The following HIVEP3 variants were observed in gnomAD, a reference collection of about 807,000 sequenced individuals.
The protein encoded by HIVEP3 is transcription factor HIVEP3.
In HIVEP3, 49 loss-of-function variants were observed where a neutral mutation model predicts 152.8. That is an observed-to-expected ratio of 0.32 (90% CI 0.26 to 0.41). The LOEUF (loss-of-function observed/expected upper bound fraction) is 0.41, where lower values mean the gene tolerates loss of function less well. HIVEP3 is among the 10% of genes least tolerant of loss of function. The pLI is 1.00. For synonymous variants in HIVEP3, 1,269 were observed against 1,289.0 expected (o/e 0.98, Z 0.33); for missense variants, 2,790 against 3,103.3 (o/e 0.90, Z 2.40).
chr1:41,589,641 G>A (rs537670249), intron 3 of HIVEP3, among the ~76,000 whole-genome samples: 1 of 152,336 alleles, frequency 6.6e-6, no homozygotes, highest in South Asian at 2.1e-4. Context: ...AGTCCTGGCA[G>A]GAGGCCAGCT....
chr1:41,656,001 A>G (rs1480768883), intron 2 of HIVEP3, among the ~76,000 whole-genome samples: 3 of 152,252 alleles, frequency 2.0e-5, no homozygotes, highest in Non-Finnish European at 4.4e-5. Context: ...CAGGTGGCTC[A>G]GAGCCCTTTG....
At chr1:42,003,731 T>G (rs1340557441) in intron 1 of HIVEP3, among the ~76,000 whole-genome samples, 3 of 151,318 alleles carry the variant, frequency 2.0e-5, no homozygotes, top group Non-Finnish European at 4.4e-5. Flanking sequence ...TGACAAGGAT[T>G]ATAAGGTGCA....
At chr1:41,527,376 TCA>T (rs1323193439) in intron 5 of HIVEP3, among the ~76,000 whole-genome samples, 3 of 83,646 alleles carry the variant, frequency 3.6e-5, no homozygotes, top group East Asian at 2.6e-4. Flanking sequence ...ACCCCTGCAC[TCA>T]CACTCGCACT....
At chr1:41,718,671 G>C (rs1010845155) in intron 1 of HIVEP3, among the ~76,000 whole-genome samples, 3 of 152,176 alleles carry the variant, frequency 2.0e-5, no homozygotes, top group African/African-American at 4.8e-5. Flanking sequence ...CAAACATGGT[G>C]TGTGTGGCCT....
intron 1 of HIVEP3, among the ~76,000 whole-genome samples, chr1:41,708,868 T>C (rs903110416): frequency 6.6e-6 from 1 of 152,216 alleles, no homozygotes; most frequent in Non-Finnish European, 1.5e-5. Context: ...TCTCTGCTGT[T>C]GGAGGCTGCT....
At chr1:42,017,042 T>C (rs1448734339) in intron 1 of HIVEP3, among the ~76,000 whole-genome samples, 1 of 152,058 alleles carries the variant, frequency 6.6e-6, no homozygotes, top group Non-Finnish European at 1.5e-5. Flanking sequence ...CAACACTGAG[T>C]ATTTTGTATC....
intron 1 of HIVEP3, among the ~76,000 whole-genome samples, chr1:41,758,754 G>C (rs186888781): frequency 1.3e-5 from 2 of 152,304 alleles, no homozygotes; most frequent in Middle Eastern, 3.4e-3. Flanking sequence ...CATTTGTGAT[G>C]AAAGGATATG....
At chr1:41,706,690 G>A (rs1329999177) in intron 1 of HIVEP3, among the ~76,000 whole-genome samples, 1 of 152,170 alleles carries the variant, frequency 6.6e-6, no homozygotes, top group Non-Finnish European at 1.5e-5. Context: ...CAGTAGGAGG[G>A]GACCAGGAAA....
rs561007000 is a variant in HIVEP3, at chr1:41,857,005, C to T, written c.-801+61408G>A. ...TTTCTGCTCCCAAATCCTCAAAAAG[C>T]ATTGCCAGGTTCTCTGTGGTTTCTG... On this transcript the variant is annotated intron_variant, in intron 1 of 8. Transcript: ENST00000372583. Among the ~76,000 whole-genome samples the T allele has an allele frequency of 5.9e-5, 9 of 152,268 alleles. No individual in the cohort carries two copies. In the South Asian group the frequency reaches 1.9e-3, roughly 32 times the overall value.
Position 41,731,679 on chromosome 1 carries a change from C to A in HIVEP3, c.-800-30684G>T, listed in dbSNP as rs578042228. Among the ~76,000 whole-genome samples the A allele has an allele frequency of 1.7e-3, 255 of 152,272 alleles. 4 individuals carry two copies. The highest frequency in any genetic ancestry group is 2.0e-3 in the Non-Finnish European group (139 of 68,024). Reference sequence around the variant, plus strand: ...GGGAAGAATGGAGGTCCCCTGCCAACAATCAGCTTTGACATGCCAAGCCTG... The same window carrying A: ...GGGAAGAATGGAGGTCCCCTGCCAAAAATCAGCTTTGACATGCCAAGCCTG... On this transcript the variant is annotated intron_variant, in intron 1 of 8. Coordinates refer to ENST00000372583, the MANE Select transcript of HIVEP3 (RefSeq NM_024503.5).
intron 1 of HIVEP3, among the ~76,000 whole-genome samples, chr1:41,808,472 G>A (rs540026170): frequency 1.3e-5 from 2 of 152,348 alleles, no homozygotes; most frequent in South Asian, 4.1e-4. Context: ...GAAAGCACTT[G>A]TCACAGTCCA....
intron 1 of HIVEP3, among the ~76,000 whole-genome samples, chr1:41,896,917 G>A (rs1202279087): frequency 6.6e-6 from 1 of 152,134 alleles, no homozygotes; most frequent in Non-Finnish European, 1.5e-5. Context: ...GTCTCAAAGA[G>A]GTCTATCACA....
At chr1:41,841,000 G>T (rs891088981) in intron 1 of HIVEP3, among the ~76,000 whole-genome samples, 7 of 152,358 alleles carry the variant, frequency 4.6e-5, no homozygotes, top group African/African-American at 1.4e-4. Context: ...TCAAAGGGCT[G>T]TTAAAGTCTC....
At chr1:41,749,861 A>G (rs1570455609) in intron 1 of HIVEP3, among the ~76,000 whole-genome samples, 1 of 152,170 alleles carries the variant, frequency 6.6e-6, no homozygotes, top group African/African-American at 2.4e-5. Context: ...TGTGGGGGTC[A>G]CCTCTGTCCA....
At chr1:41,949,547 G>A (rs1421544025) in intron 1 of HIVEP3, among the ~76,000 whole-genome samples, 5 of 151,700 alleles carry the variant, frequency 3.3e-5, no homozygotes, top group South Asian at 2.1e-4. Flanking sequence ...ATCCAGAATC[G>A]TCACCGAGAA....
At position 41,575,811 on chromosome 1, in the gene HIVEP3, C is replaced by T. The variant is rs138977390; in HGVS notation, c.5062-122G>A. 218 of 1,040,332 alleles carry T rather than the reference C, an allele frequency of 2.1e-4. 1 individual carries two copies. In the African/African-American group the frequency reaches 3.2e-3, roughly 15 times the overall value. The allele number at this position is 1,040,332 out of a possible 1,614,324, so 64.4% of individuals were successfully genotyped here. A position where few individuals can be genotyped will look rare whatever the true frequency, so the allele number is the denominator to read the frequency against. ...CAAGTACACATATGCAATCTTCACACTCCCCCATGAAGAGGTGCTATTAGC... is the reference window on the plus strand; with the variant it reads ...CAAGTACACATATGCAATCTTCACATTCCCCCATGAAGAGGTGCTATTAGC... On this transcript the variant is annotated intron_variant, in intron 4 of 8. Coordinates refer to ENST00000372583, the MANE Select transcript of HIVEP3 (RefSeq NM_024503.5).
At chr1:41,696,450 T>C (rs947000993) in intron 2 of HIVEP3, among the ~76,000 whole-genome samples, 2 of 152,396 alleles carry the variant, frequency 1.3e-5, no homozygotes, top group Admixed American at 1.3e-4. Context: ...TGCTTCTTCC[T>C]GCACCGTTGG....
chr1:41,528,997 C>T (rs941178919), intron 5 of HIVEP3, among the ~76,000 whole-genome samples: 20 of 142,326 alleles, frequency 1.4e-4, no homozygotes, highest in Non-Finnish European at 2.5e-4. Context: ...CACTTCACAT[C>T]CCTGCCCTCA....
intron 1 of HIVEP3, chr1:41,848,202 A>C (rs1165966993): frequency 6.8e-6 from 1 of 147,848 alleles, no homozygotes; most frequent in Non-Finnish European, 1.5e-5. Context: ...TATGATGATG[A>C]AATCCAGTGC....
Sources: allele counts gnomAD v4.1 joint callset (sites outside exome capture counted in the v4.1 genomes callset), GRCh38; gene constraint gnomAD v4.1.1; transcripts MANE v1.5; gene names NCBI Gene and HGNC (gene_info 2026-07-23, HGNC 2026-07-21).